Variants in CA10 observed in about 807,000 individuals in gnomAD.
CA10 encodes carbonic anhydrase-related protein 10.
In CA10, 14 loss-of-function variants were observed where a neutral mutation model predicts 44.2. The ratio of observed to expected loss-of-function variants is 0.32; its 90% CI spans 0.21 to 0.50. The LOEUF (loss-of-function observed/expected upper bound fraction) is 0.50, where lower values mean the gene tolerates loss of function less well. Ranked by LOEUF, CA10 falls within the 20% of genes least tolerant of loss-of-function variation. The pLI, the probability that CA10 is intolerant of heterozygous loss-of-function variation, is 0.99. For synonymous variants in CA10, 159 were observed against 141.6 expected (o/e 1.12, Z -0.87); for missense variants, 350 against 409.7 (o/e 0.85, Z 1.26).
chr17:51,641,710 T>C (rs1913095944), intron 6 of CA10, among the ~76,000 whole-genome samples: 1 of 151,864 alleles, frequency 6.6e-6, no homozygotes. Flanking sequence ...CTTTTTCTTT[T>C]TGTAGGAGAC....
At chr17:51,995,691 C>T (rs1056218113) in intron 2 of CA10, among the ~76,000 whole-genome samples, 16 of 152,052 alleles carry the variant, frequency 1.1e-4, no homozygotes, top group Non-Finnish European at 2.2e-4. Flanking sequence ...GTTCTTTGTG[C>T]AAAGGTTCTC....
chr17:51,632,269 C>T (rs1220957819), intron 8 of CA10, among the ~76,000 whole-genome samples: 1 of 152,132 alleles, frequency 6.6e-6, no homozygotes, highest in East Asian at 1.9e-4. Flanking sequence ...TATCTGTCAC[C>T]CATCACCCAG....
chr17:51,718,400 G>C (rs1916244120), intron 4 of CA10, among the ~76,000 whole-genome samples: 1 of 152,112 alleles, frequency 6.6e-6, no homozygotes, highest in Admixed American at 6.6e-5. Flanking sequence ...TTAATCAATT[G>C]TGCCTAGGTA....
chr17:51,768,156 T>C (rs1360762005), intron 3 of CA10, among the ~76,000 whole-genome samples: 2 of 149,614 alleles, frequency 1.3e-5, no homozygotes, highest in African/African-American at 5.0e-5. Flanking sequence ...TGGATCCACA[T>C]AAAGATGTGC....
chr17:51,748,938 A>C (rs920070272), intron 3 of CA10, among the ~76,000 whole-genome samples: 3 of 152,212 alleles, frequency 2.0e-5, no homozygotes, highest in East Asian at 3.9e-4. Flanking sequence ...TATTCCAGTG[A>C]CTCATTTTGT....
At chr17:51,890,767 A>G (rs1039115605) in intron 3 of CA10, among the ~76,000 whole-genome samples, 1 of 152,204 alleles carries the variant, frequency 6.6e-6, no homozygotes, top group African/African-American at 2.4e-5. Context: ...AGAGGACTGA[A>G]TTCATAAAAG....
intron 2 of CA10, among the ~76,000 whole-genome samples, chr17:51,992,678 C>T (rs1437033623): frequency 6.6e-6 from 1 of 152,010 alleles, no homozygotes; most frequent in Admixed American, 6.6e-5. Flanking sequence ...TTCAAGGGGC[C>T]CTGATCACCT....
At chr17:51,977,145 T>A (rs1984491513) in intron 2 of CA10, among the ~76,000 whole-genome samples, 1 of 150,928 alleles carries the variant, frequency 6.6e-6, no homozygotes, top group South Asian at 2.1e-4. Flanking sequence ...TAGCATATTC[T>A]TTTTCAGAGA....
intron 2 of CA10, among the ~76,000 whole-genome samples, chr17:51,971,785 A>G (rs1489814226): frequency 2.6e-5 from 4 of 152,072 alleles, no homozygotes; most frequent in Non-Finnish European, 4.4e-5. Context: ...CATAAAATAA[A>G]GATGCTAGAG....
At chr17:51,880,136 G>A (rs988397123) in intron 3 of CA10, among the ~76,000 whole-genome samples, 1 of 151,986 alleles carries the variant, frequency 6.6e-6, no homozygotes, top group Non-Finnish European at 1.5e-5. Flanking sequence ...TAATAAGCCA[G>A]TCCTAACCCT....
intron 1 of CA10, among the ~76,000 whole-genome samples, chr17:52,083,473 T>C (rs1369448493): frequency 6.6e-6 from 1 of 152,184 alleles, no homozygotes; most frequent in Non-Finnish European, 1.5e-5. Context: ...TACAGATATA[T>C]TGCTTAGTGG....
At chr17:51,639,396 G>A (rs1912981598) in intron 6 of CA10, among the ~76,000 whole-genome samples, 1 of 152,140 alleles carries the variant, frequency 6.6e-6, no homozygotes, top group Non-Finnish European at 1.5e-5. Context: ...CTTTGAGACT[G>A]TAACCAGCCT....
At chr17:51,880,790 G>T (rs1244584432) in intron 3 of CA10, among the ~76,000 whole-genome samples, 4 of 151,928 alleles carry the variant, frequency 2.6e-5, no homozygotes, top group Admixed American at 2.0e-4. Flanking sequence ...GTGGAAGCAT[G>T]AAAAAAACCA....
intron 3 of CA10, among the ~76,000 whole-genome samples, chr17:51,802,541 T>G (rs1358991078): frequency 6.9e-6 from 1 of 145,922 alleles, no homozygotes; most frequent in East Asian, 2.0e-4. Context: ...CAGGCTCTGC[T>G]TGGATCATTT....
rs1211233498 is a variant in CA10 at position 51,630,587 on chromosome 17, T to C, written c.*997A>G. 1 of 152,588 alleles carries C rather than the reference T, an allele frequency of 6.6e-6. No homozygotes were observed. Among genetic ancestry groups the C allele is most frequent in the Non-Finnish European group, 1.5e-5 (1 of 68,034 alleles). The allele number at this position is 152,588 out of a possible 1,614,324, so 9.5% of individuals were successfully genotyped here. On this transcript the variant is annotated 3_prime_UTR_variant, in exon 9 of 9. Coordinates refer to ENST00000451037, the MANE Select transcript of CA10 (RefSeq NM_020178.5). Reference sequence around the variant, plus strand: ...TCACCTCATGTGAATGATTGAGCCATGGAGTGGAATTAAAGTCATACTTGC... The same window carrying C: ...TCACCTCATGTGAATGATTGAGCCACGGAGTGGAATTAAAGTCATACTTGC...
intron 2 of CA10, among the ~76,000 whole-genome samples, chr17:52,018,753 T>C (rs971838923): frequency 2.0e-5 from 3 of 152,112 alleles, no homozygotes; most frequent in Non-Finnish European, 4.4e-5. Flanking sequence ...GAGATGAACA[T>C]GAAATTTGGA....
At chr17:52,043,457 T>A (rs1448232198) in intron 2 of CA10, among the ~76,000 whole-genome samples, 1 of 152,110 alleles carries the variant, frequency 6.6e-6, no homozygotes, top group Non-Finnish European at 1.5e-5. Flanking sequence ...TTCTAACAGT[T>A]TCTTGGTGGA....
At chr17:51,752,140 C>T (rs1453872134) in intron 3 of CA10, among the ~76,000 whole-genome samples, 1 of 151,770 alleles carries the variant, frequency 6.6e-6, no homozygotes, top group Non-Finnish European at 1.5e-5. Context: ...TTGTATTAAT[C>T]AAAAAAAGCT....
intron 2 of CA10, among the ~76,000 whole-genome samples, chr17:52,050,173 AG>A (rs1338191915): frequency 1.3e-5 from 2 of 152,068 alleles, no homozygotes; most frequent in African/African-American, 4.8e-5. Flanking sequence ...AATCACCTAT[AG>A]TTTACCAATT....
Sources: allele counts gnomAD v4.1 joint callset (sites outside exome capture counted in the v4.1 genomes callset), GRCh38; gene constraint gnomAD v4.1.1; transcripts MANE v1.5; gene names NCBI Gene and HGNC (gene_info 2026-07-23, HGNC 2026-07-21).